HKDC1: variants seen among roughly 807,000 people sequenced by gnomAD.
HKDC1 encodes the protein hexokinase HKDC1.
In HKDC1, 66 loss-of-function variants were observed where a neutral mutation model predicts 96.6. That is an observed-to-expected ratio of 0.68 (90% CI 0.56 to 0.84). HKDC1 has a LOEUF of 0.84. HKDC1 is among the 40% of genes least tolerant of loss of function. The pLI, the probability that HKDC1 is intolerant of heterozygous loss-of-function variation, is 0.00. For missense variants in HKDC1, 1,211 were observed against 1,208.1 expected (o/e 1.00, Z -0.04); for synonymous variants, 466 against 473.1 (o/e 0.98, Z 0.20).
chr10:69,263,151 A>G (rs1426884361), intron 16 of HKDC1, among the ~76,000 whole-genome samples: 2 of 151,368 alleles, frequency 1.3e-5, no homozygotes, highest in African/African-American at 4.9e-5. Context: ...TGCATCCTCA[A>G]CCTCCCGGGT....
chr10:69,264,430 G>C (rs972440164), intron 16 of HKDC1, among the ~76,000 whole-genome samples: 1 of 150,966 alleles, frequency 6.6e-6, no homozygotes, highest in Non-Finnish European at 1.5e-5. Context: ...CTGGAGTACA[G>C]TGGTATGATC....
chr10:69,235,897 A>G (rs1358796555), intron 4 of HKDC1, among the ~76,000 whole-genome samples: 1 of 152,146 alleles, frequency 6.6e-6, no homozygotes, highest in African/African-American at 2.4e-5. Flanking sequence ...TATGCGCATT[A>G]TCTTGTTAAA....
intron 14 of HKDC1, among the ~76,000 whole-genome samples, chr10:69,257,675 C>T (rs1843740363): frequency 6.8e-6 from 1 of 147,734 alleles, no homozygotes; most frequent in Non-Finnish European, 1.5e-5. Flanking sequence ...GACCTTGGGG[C>T]CAATTGTCAT....
chr10:69,242,586 A>G (rs190331671), intron 6 of HKDC1, among the ~76,000 whole-genome samples: 56 of 152,326 alleles, frequency 3.7e-4, no homozygotes, highest in African/African-American at 1.3e-3. Flanking sequence ...TCCTCCCAAA[A>G]GAGTCCAAAA....
chr10:69,250,317 T>C lies in HKDC1; in HGVS notation c.1598T>C (p.Leu533Pro). The change falls in exon 11 of 18, where the codon CTT (leucine) becomes CCT (proline). Residue 533 changes from leucine (L) to proline (P), a missense_variant. Leu to Pro is a moderately conservative substitution (Grantham distance 98). Transcript: ENST00000354624. ...AAAGGAAAGTTTCTCGCCCTGGATC[T>C]TGGGGGAACCAACTTCCGGGTCCTC... ...TEKGKFLALD[L>P]GGTNFRVLLV... is the part of the protein sequence containing the mutation. 6.2e-7 allele frequency: 1 copy of C among 1,614,110 alleles called. No individual in the cohort carries two copies. The highest frequency in any genetic ancestry group is 8.5e-7 in the Non-Finnish European group (1 of 1,179,966).
In HKDC1 at chr10:69,250,629, T is replaced by G. The variant is rs777299110; in HGVS notation, c.1813T>G (p.Cys605Gly). ...TTTGGGCTTCACATTCTCATTTCCCTGCAGGCAGATGAGCATTGACAAGGT... is the reference window on the plus strand; with the variant it reads ...TTTGGGCTTCACATTCTCATTTCCCGGCAGGCAGATGAGCATTGACAAGGT... ...LPLGFTFSFP[C>G]RQMSIDKGTL... The change falls in exon 12 of 18, where the codon TGC becomes GGC. Residue 605 changes from cysteine to glycine, a missense_variant. Coordinates refer to ENST00000354624, the MANE Select transcript of HKDC1 (RefSeq NM_025130.4). The G allele has an allele frequency of 6.2e-7, 1 of 1,613,940 alleles. No homozygotes were observed. The highest frequency in any genetic ancestry group is 2.2e-5 in the East Asian group (1 of 44,886).
chr10:69,251,763 C>CTT (rs60120681), intron 12 of HKDC1, among the ~76,000 whole-genome samples: 94 of 140,868 alleles, frequency 6.7e-4, no homozygotes, highest in East Asian at 2.1e-3. Context: ...GTTTTCTTTT[C>CTT]TTTTTTTTTT....
chr10:69,231,397 C>G (rs1048008936), intron 2 of HKDC1, among the ~76,000 whole-genome samples: 1 of 152,198 alleles, frequency 6.6e-6, no homozygotes, highest in African/African-American at 2.4e-5. Context: ...AACCTCATTT[C>G]TGTGACAGCT....
In HKDC1 at chr10:69,227,207, G is replaced by A. The variant is rs1007806732; in HGVS notation, c.64G>A (p.Val22Met). 5.0e-6 allele frequency: 8 copies of A among 1,614,010 alleles called. No individual in the cohort carries two copies. The African/African-American group carries it at 1.1e-4, about 22-fold the overall frequency. Residue 22 changes from valine to methionine, a missense_variant and splice_region_variant, in exon 2 of 18, where the codon GTG (valine) becomes ATG (methionine). Val to Met is a conservative substitution (Grantham distance 21). Coordinates refer to ENST00000354624, the MANE Select transcript of HKDC1 (RefSeq NM_025130.4). ...SKLKEDQIKKVDRFLYHMRLS... is the reference protein window; with the variant it reads ...SKLKEDQIKKMDRFLYHMRLS... ...CCTTGGTGGCCGGTGTCTGTTCCAG[G>A]TGGACAGGTTCCTGTATCACATGCG...
chr10:69,253,604 A>G (rs1843677015), intron 12 of HKDC1, among the ~76,000 whole-genome samples: 1 of 152,224 alleles, frequency 6.6e-6, no homozygotes, highest in Admixed American at 6.5e-5. Context: ...GGTGAGGACT[A>G]AATGAGCTCG....
In HKDC1 at chr10:69,248,542, C is replaced by T. The variant is rs1039209123; in HGVS notation, c.1384C>T (p.Arg462Cys). The change falls in exon 10 of 18, where the codon CGC becomes TGC. Residue 462 changes from arginine to cysteine, a missense_variant. Coordinates refer to ENST00000354624, the MANE Select transcript of HKDC1 (RefSeq NM_025130.4). ...GAAMVTAVASRVQAQRKQIDR... is the reference protein window; with the variant it reads ...GAAMVTAVASCVQAQRKQIDR... ...CGCCATGGTGACCGCGGTGGCCTCC[C>T]GCGTGCAGGCCCAGCGGAAGCAGAT... The T allele has an allele frequency of 6.2e-6, 10 of 1,613,930 alleles. No individual in the cohort carries two copies. Among genetic ancestry groups the T allele is most frequent in the Admixed American group, 1.7e-5 (1 of 59,994 alleles).
Position 69,232,908 on chromosome 10 carries a change from C to T in HKDC1, c.371C>T (p.Thr124Ile), listed in dbSNP as rs874556. The change falls in exon 3 of 18, where the codon ACA becomes ATA. Residue 124 changes from threonine to isoleucine, a missense_variant. Thr to Ile is a moderately conservative substitution (Grantham distance 89). Coordinates refer to ENST00000354624, the MANE Select transcript of HKDC1 (RefSeq NM_025130.4). ...AATGAAATCATCCGCGGGAACGGCA[C>T]AGAGGTACCTGGCAGGTGGCTCCTG... ...TPNEIIRGNG[T>I]ELFEYVADCL... The T allele has an allele frequency of 0.43, 696,443 of 1,612,120 alleles. 155,208 individuals carry two copies. Among genetic ancestry groups the T allele is most frequent in the East Asian group, 0.79 (35,549 of 44,874 alleles).
chr10:69,232,942 G>A (rs752782316), intron 3 of HKDC1, 30 bp downstream of exon 3: 22 of 1,612,014 alleles, frequency 1.4e-5, no homozygotes, highest in Non-Finnish European at 1.2e-5. Context: ...TGTGACCGCA[G>A]GGAAGGCGGT....
At position 69,257,411 on chromosome 10, in the gene HKDC1, A is replaced by C; in HGVS notation, c.2017A>C (p.Ile673Leu). 1.2e-6 allele frequency: 2 copies of C among 1,612,474 alleles called. No individual in the cohort carries two copies. Among genetic ancestry groups the C allele is most frequent in the Non-Finnish European group, 1.7e-6 (2 of 1,178,478 alleles). The change falls in exon 14 of 18, where the codon ATT (isoleucine) becomes CTT (leucine). Residue 673 changes from isoleucine to leucine, a missense_variant. Physicochemically the swap from Ile to Leu is conservative, Grantham distance 5. Transcript: ENST00000354624. ...TCGYEDPNCE[I>L]GLIAGTGSNM... ...TGGCTATGAAGATCCTAATTGTGAGATTGGCCTGATTGCAGGTAGGTGGTC... is the reference window on the plus strand; with the variant it reads ...TGGCTATGAAGATCCTAATTGTGAGCTTGGCCTGATTGCAGGTAGGTGGTC...
chr10:69,249,002 T>G (rs771864806), intron 10 of HKDC1: 4 of 332,520 alleles, frequency 1.2e-5, no homozygotes, highest in Non-Finnish European at 2.2e-5. Context: ...AGAACATGAG[T>G]GTACCCCCCC....
chr10:69,245,966 A>T, intron 7 of HKDC1, 113 bp from the exon 8 acceptor site: 1 of 1,317,268 alleles, frequency 7.6e-7, no homozygotes, highest in Non-Finnish European at 1.1e-6. Context: ...AGGGAATCTT[A>T]GCTCAGCCCT....
Position 69,233,064 on chromosome 10 carries a change from T to C in HKDC1, c.426T>C (p.Asp142=). 2 of 1,614,184 alleles carry C rather than the reference T, an allele frequency of 1.2e-6. No individual in the cohort carries two copies. The highest frequency in any genetic ancestry group is 1.7e-6 in the Non-Finnish European group (2 of 1,180,036). ...DCLADFMKTK[D]LKHKKLPLGL... is the part of the protein sequence containing the mutation. ...TGGCAGATTTCATGAAGACCAAAGA[T>C]TTAAAGCATAAGAAATTGCCCCTTG... Residue 142 remains aspartate, a synonymous_variant, in exon 4 of 18, where the codon GAT becomes GAC. Coordinates refer to ENST00000354624, the MANE Select transcript of HKDC1 (RefSeq NM_025130.4).
intron 1 of HKDC1, among the ~76,000 whole-genome samples, chr10:69,222,326 T>C (rs1315099166): frequency 6.6e-6 from 1 of 152,214 alleles, no homozygotes; most frequent in African/African-American, 2.4e-5. Flanking sequence ...AGAGTTGAGT[T>C]AGAGGTTGTA....
Position 69,266,646 on chromosome 10 carries a change from A to C in HKDC1, c.2643A>C (p.Leu881=). 1 of 1,614,164 alleles carries C rather than the reference A, an allele frequency of 6.2e-7. No homozygotes were observed. The highest frequency in any genetic ancestry group is 1.1e-5 in the South Asian group (1 of 91,080). Residue 881 remains leucine (L), a synonymous_variant, in exon 18 of 18, where the codon CTA becomes CTC. Coordinates refer to ENST00000354624, the MANE Select transcript of HKDC1 (RefSeq NM_025130.4). ...SRILQETVKE[L]APRCDVTFML... ...TATTGCAGGAAACTGTGAAGGAACTAGCCCCTCGATGTGATGTGACATTCA... is the reference window on the plus strand; with the variant it reads ...TATTGCAGGAAACTGTGAAGGAACTCGCCCCTCGATGTGATGTGACATTCA...
Sources: allele counts gnomAD v4.1 joint callset (sites outside exome capture counted in the v4.1 genomes callset), GRCh38; gene constraint gnomAD v4.1.1; transcripts MANE v1.5; gene names NCBI Gene and HGNC (gene_info 2026-07-23, HGNC 2026-07-21).